The following FHIP1A variants were observed in gnomAD, a reference collection of about 807,000 sequenced individuals.
The protein encoded by FHIP1A is FHF complex subunit HOOK-interacting protein 1A.
FHIP1A carries 61 observed loss-of-function variants against 88.6 expected under a neutral mutation model. The ratio of observed to expected loss-of-function variants is 0.69; its 90% confidence interval spans 0.56 to 0.85. The LOEUF (loss-of-function observed/expected upper bound fraction) is 0.85. FHIP1A is among the 40% of genes least tolerant of loss of function. The probability of loss-of-function intolerance (pLI) is 0.00; values close to 1 mark genes in which losing one functional copy is unlikely to be tolerated. For missense variants in FHIP1A, 1,154 were observed against 1,273.5 expected, an observed-to-expected ratio of 0.91 and a Z score of 1.43; for synonymous variants, 478 against 496.0, an observed-to-expected ratio of 0.96 and a Z score of 0.48.
At chr4:151,575,364 T>C (rs1163265893) in intron 4 of FHIP1A, among the ~76,000 whole-genome samples, 1 of 152,202 alleles carries the variant, frequency 6.6e-6, no homozygotes, top group Admixed American at 6.5e-5. Flanking sequence ...GATTGCATTC[T>C]ATTGAGATGT....
intron 6 of FHIP1A, among the ~76,000 whole-genome samples, chr4:151,588,343 A>T (rs1734296351): frequency 6.6e-6 from 1 of 152,150 alleles, no homozygotes; most frequent in African/African-American, 2.4e-5. Context: ...CAGGAAATAC[A>T]TATTTAAAAT....
At chr4:151,578,300 G>A (rs1204068156) in intron 5 of FHIP1A, among the ~76,000 whole-genome samples, 1 of 152,138 alleles carries the variant, frequency 6.6e-6, no homozygotes, top group African/African-American at 2.4e-5. Flanking sequence ...AAGGAGGCTA[G>A]ATGTGTTACC....
At chr4:151,531,533 T>C (rs1330661626) in intron 3 of FHIP1A, among the ~76,000 whole-genome samples, 2 of 151,866 alleles carry the variant, frequency 1.3e-5, no homozygotes, top group South Asian at 4.2e-4. Flanking sequence ...TGAACCAGTC[T>C]GGCCGAATCT....
chr4:151,553,243 T>C (rs1458694968), intron 3 of FHIP1A, among the ~76,000 whole-genome samples: 1 of 152,212 alleles, frequency 6.6e-6, no homozygotes, highest in African/African-American at 2.4e-5. Context: ...TATCACATGG[T>C]TTTATATTTC....
At chr4:151,509,609 C>T (rs897025142) in intron 3 of FHIP1A, among the ~76,000 whole-genome samples, 6 of 152,122 alleles carry the variant, frequency 3.9e-5, no homozygotes, top group African/African-American at 1.4e-4. Context: ...TCAGCTGACA[C>T]ATAAGTAAAT....
At chr4:151,460,635 A>T (rs1034299296) in intron 2 of FHIP1A, among the ~76,000 whole-genome samples, 1 of 152,254 alleles carries the variant, frequency 6.6e-6, no homozygotes, top group Admixed American at 6.5e-5. Context: ...GCAGCAGGCC[A>T]TGTAGTTGTC....
chr4:151,635,208 C>CA (rs923798250), intron 8 of FHIP1A, among the ~76,000 whole-genome samples: 1 of 151,582 alleles, frequency 6.6e-6, no homozygotes, highest in African/African-American at 2.4e-5. Context: ...GGCCACTATC[C>CA]AAAAAACAGA....
chr4:151,447,174 A>G (rs899581717), intron 1 of FHIP1A, among the ~76,000 whole-genome samples: 8 of 152,136 alleles, frequency 5.3e-5, no homozygotes, highest in African/African-American at 9.7e-5. Flanking sequence ...TTTAAAAGAT[A>G]CTCTTTGGAA....
intron 3 of FHIP1A, among the ~76,000 whole-genome samples, chr4:151,540,850 C>T (rs1477056705): frequency 2.6e-5 from 4 of 152,152 alleles, no homozygotes; most frequent in African/African-American, 9.7e-5. Context: ...TCTATGGCTT[C>T]CTGGTCCAAT....
intron 7 of FHIP1A, among the ~76,000 whole-genome samples, chr4:151,619,093 C>G (rs776863405): frequency 2.6e-5 from 4 of 152,146 alleles, no homozygotes; most frequent in Non-Finnish European, 5.9e-5. Context: ...CTGAGAAGGA[C>G]AGGTCAGCTA....
rs968591505 is a variant in FHIP1A at position 151,663,504 on chromosome 4, C to G, written c.*750C>G. On this transcript the variant is annotated 3_prime_UTR_variant, in exon 14 of 14. Transcript: ENST00000435205. ...AAGATTTGCACAAAATTAAGTATAC[C>G]TATGCAAACTATTACTTTGGTTTTT... 7 of 152,138 alleles carry G rather than the reference C, an allele frequency of 4.6e-5. No homozygotes were observed. The highest frequency in any genetic ancestry group is 8.8e-5 in the Non-Finnish European group (6 of 68,016). The allele number at this position is 152,138 out of a possible 1,614,324, so 9.4% of individuals were successfully genotyped here.
intron 6 of FHIP1A, 105 bp from the exon 7 acceptor site, chr4:151,588,735 A>C (rs761462500): frequency 4.7e-5 from 37 of 786,274 alleles, no homozygotes; most frequent in Non-Finnish European, 8.1e-5. Flanking sequence ...AATGGCCAAA[A>C]TGTGGATTTC....
At chr4:151,631,777 G>C (rs779321883) in intron 8 of FHIP1A, among the ~76,000 whole-genome samples, 3 of 152,156 alleles carry the variant, frequency 2.0e-5, no homozygotes, top group Non-Finnish European at 2.9e-5. Flanking sequence ...AGTGTGGCAA[G>C]ATCCAGAGAA....
At chr4:151,591,106 T>TA (rs1433691479) in intron 7 of FHIP1A, among the ~76,000 whole-genome samples, 1 of 151,634 alleles carries the variant, frequency 6.6e-6, no homozygotes, top group Non-Finnish European at 1.5e-5. Flanking sequence ...TTTTTTTTTT[T>TA]ATCATGTAGG....
Position 151,656,146 on chromosome 4 carries a change from G to T in FHIP1A, c.2552-86G>T. On this transcript the variant is annotated intron_variant, in intron 11 of 13. Transcript: ENST00000435205. This position sits in a 1 kb window ranked among gnomAD's most constrained non-coding sequence, Gnocchi z 4.2. Reference sequence around the variant, plus strand: ...CCTGTGGGCCCATGGTGGTTTGGGAGATGTGGCACCGATGGTTCTGCAATT... The same window carrying T: ...CCTGTGGGCCCATGGTGGTTTGGGATATGTGGCACCGATGGTTCTGCAATT... 3 of 1,086,454 alleles carry T rather than the reference G, an allele frequency of 2.8e-6. No homozygotes were observed. Among genetic ancestry groups the T allele is most frequent in the Non-Finnish European group, 4.0e-6 (3 of 747,340 alleles). 67.3% of individuals were successfully genotyped at this position (1,086,454 alleles called of 1,614,324 possible).
chr4:151,508,779 CAG>C (rs1730921332), intron 3 of FHIP1A, among the ~76,000 whole-genome samples: 2 of 152,114 alleles, frequency 1.3e-5, no homozygotes, highest in Non-Finnish European at 1.5e-5. Flanking sequence ...CTGTCAGAGA[CAG>C]AGCGGAGCAA....
At chr4:151,661,159 GA>G (rs1272967240) in intron 13 of FHIP1A, among the ~76,000 whole-genome samples, 1 of 152,192 alleles carries the variant, frequency 6.6e-6, no homozygotes, top group African/African-American at 2.4e-5. Context: ...CTTCCTTTGT[GA>G]GCTTTGCTGG....
At chr4:151,509,356 G>A (rs190363659) in intron 3 of FHIP1A, among the ~76,000 whole-genome samples, 36 of 151,996 alleles carry the variant, frequency 2.4e-4, no homozygotes, top group Admixed American at 5.9e-4. Context: ...TAGTAGAGAC[G>A]GAGTTTCATC....
intron 1 of FHIP1A, among the ~76,000 whole-genome samples, chr4:151,444,111 G>A (rs1728508332): frequency 6.6e-6 from 1 of 151,548 alleles, no homozygotes; most frequent in Admixed American, 6.6e-5. Context: ...CGTTTCGTCT[G>A]TGAGCGCATA....
Sources: gnomAD v4.1 joint callset for allele counts (sites outside exome capture counted in the v4.1 genomes callset) on GRCh38, gnomAD v4.1.1 for gene constraint, Gnocchi (gnomAD v3.1) non-coding constraint, MANE v1.5 for transcripts, NCBI Gene and HGNC (gene_info 2026-07-23, HGNC 2026-07-21) for gene names.